Variants in SMIM33 observed in about 807,000 individuals in gnomAD.
SMIM33 encodes the protein small integral membrane protein 33.
At position 139,471,636 on chromosome 5, in the gene SMIM33, C is replaced by T. The variant is rs769574453; in HGVS notation, c.9+506C>T. ...AGCAGGGTGGAGTCAGACAGGGGTA[C>T]GGATCGTGACCCCCAGCTTTTGGTA... On this transcript the variant is annotated intron_variant, in intron 1 of 1. Transcript: ENST00000637503. Among the ~76,000 whole-genome samples, 7 of 152,206 alleles carry T rather than the reference C, an allele frequency of 4.6e-5. No homozygotes were observed. The East Asian group carries it at 5.8e-4, about 13-fold the overall frequency.
rs1390899872 is a variant in SMIM33, at chr5:139,473,464, C to T, written c.*543C>T. ...GTCCTTCGGCTGTTAGGGCCCAGACCTTGTTGACAAGCTCCGAAGTCCTTG... is the reference window on the plus strand; with the variant it reads ...GTCCTTCGGCTGTTAGGGCCCAGACTTTGTTGACAAGCTCCGAAGTCCTTG... On this transcript the variant is annotated 3_prime_UTR_variant, in exon 2 of 2. Coordinates refer to ENST00000637503, the MANE Select transcript of SMIM33 (RefSeq NM_001365197.1). 1 of 152,300 alleles carries T rather than the reference C, an allele frequency of 6.6e-6. No individual in the cohort carries two copies. The highest frequency in any genetic ancestry group is 2.4e-5 in the African/African-American group (1 of 41,442). The allele number at this position is 152,300 out of a possible 1,614,324, so 9.4% of individuals were successfully genotyped here.
rs1266144039 is a variant in SMIM33 at position 139,472,642 on chromosome 5, C to T, written c.120C>T (p.Asp40=). 7.5e-6 allele frequency: 3 copies of T among 400,742 alleles called. No individual in the cohort carries two copies. The highest frequency in any genetic ancestry group is 3.6e-5 in the East Asian group (1 of 28,084). The allele number at this position is 400,742 out of a possible 1,614,324, so 24.8% of individuals were successfully genotyped here. A position where few individuals can be genotyped will look rare whatever the true frequency, so the allele number is the denominator to read the frequency against. Residue 40 remains aspartate, a synonymous_variant, in exon 2 of 2, where the codon GAC becomes GAT. Transcript: ENST00000637503. ...LSGTWEQPRV[D]GLPVVTVIVA... Reference sequence around the variant, plus strand: ...GCACCTGGGAACAACCTCGAGTTGACGGGCTGCCTGTGGTCACCGTCATTG... The same window carrying T: ...GCACCTGGGAACAACCTCGAGTTGATGGGCTGCCTGTGGTCACCGTCATTG...
intron 1 of SMIM33, among the ~76,000 whole-genome samples, chr5:139,472,058 A>G (rs2152092269): frequency 6.6e-6 from 1 of 152,252 alleles, no homozygotes; most frequent in South Asian, 2.1e-4. Flanking sequence ...CACAGGATCT[A>G]TTTAGGAATT....
chr5:139,472,078 AC>A (rs1751543952), intron 1 of SMIM33, among the ~76,000 whole-genome samples: 1 of 152,092 alleles, frequency 6.6e-6, no homozygotes, highest in Non-Finnish European at 1.5e-5. Flanking sequence ...TTTGCTGGAG[AC>A]CTGGGAAAAG....
Position 139,472,553 on chromosome 5 carries a change from T to G in SMIM33, c.31T>G (p.Ser11Ala), listed in dbSNP as rs1751553016. The G allele has an allele frequency of 2.5e-6, 1 of 400,964 alleles. No individual in the cohort carries two copies. The highest frequency in any genetic ancestry group is 4.4e-5 in the Admixed American group (1 of 22,728). 24.8% of individuals were successfully genotyped at this position (400,964 alleles called of 1,614,324 possible). A position where few individuals can be genotyped will look rare whatever the true frequency, so the allele number is the denominator to read the frequency against. The change falls in exon 2 of 2, where the codon TCT becomes GCT. Residue 11 changes from serine (S) to alanine (A), a missense_variant. Transcript: ENST00000637503. ...CCAGGCTGGCCACTACTCCTGGCCT[T>G]CTCCAGCTGTGAACAGTTCATCAGA... is the stretch of plus-strand genomic sequence containing the variant. MHQAGHYSWP[S>A]PAVNSSSEQE...
chr5:139,471,619 G>A (rs1054716455), intron 1 of SMIM33, among the ~76,000 whole-genome samples: 1 of 152,142 alleles, frequency 6.6e-6, no homozygotes, highest in African/African-American at 2.4e-5. Context: ...CAAGCAGGGT[G>A]GAGTCAGACA....
At position 139,473,016 on chromosome 5, in the gene SMIM33, C is replaced by T. The variant is rs1471237428; in HGVS notation, c.*95C>T. Reference sequence around the variant, plus strand: ...GCAAATTGGAGCCTGGGCATCAGAGCGTCGGAAGGGCACACTGGACTCAGC... The same window carrying T: ...GCAAATTGGAGCCTGGGCATCAGAGTGTCGGAAGGGCACACTGGACTCAGC... On this transcript the variant is annotated 3_prime_UTR_variant, in exon 2 of 2. Transcript: ENST00000637503. 4 of 397,832 alleles carry T rather than the reference C, an allele frequency of 1.0e-5. No individual in the cohort carries two copies. The highest frequency in any genetic ancestry group is 4.4e-5 in the Admixed American group (1 of 22,704). 24.6% of individuals were successfully genotyped at this position (397,832 alleles called of 1,614,324 possible).
rs915734373 is a variant in SMIM33 at position 139,472,766 on chromosome 5, A to T, written c.244A>T (p.Thr82Ser). The T allele has an allele frequency of 2.5e-6, 1 of 400,658 alleles. No homozygotes were observed. The highest frequency in any genetic ancestry group is 4.4e-6 in the Non-Finnish European group (1 of 226,328). The allele number at this position is 400,658 out of a possible 1,614,324, so 24.8% of individuals were successfully genotyped here. Residue 82 changes from threonine to serine, a missense_variant, in exon 2 of 2, where the codon ACC becomes TCC. By Grantham distance (58) the Thr-to-Ser change is moderately conservative (BLOSUM62 1). Coordinates refer to ENST00000637503, the MANE Select transcript of SMIM33 (RefSeq NM_001365197.1). ...GHATLPTEPP[T>S]PKPDGGIYLI... ...TGCCACTCTCCCTACAGAGCCACCG[A>T]CCCCAAAGCCAGATGGTGGCATCTA... is the stretch of plus-strand genomic sequence containing the variant.
chr5:139,472,628 C>G lies in SMIM33; in HGVS notation c.106C>G (p.Gln36Glu), dbSNP rs148407887. 4.6e-4 allele frequency: 184 copies of G among 400,868 alleles called. No individual in the cohort carries two copies. The East Asian group carries it at 6.4e-3, about 14-fold the overall frequency. The allele number at this position is 400,868 out of a possible 1,614,324, so 24.8% of individuals were successfully genotyped here. ...GGAGGTGCTAAGTGGCACCTGGGAA[C>G]AACCTCGAGTTGACGGGCTGCCTGT... ...LPEVLSGTWE[Q>E]PRVDGLPVVT... Residue 36 changes from glutamine to glutamate, a missense_variant, in exon 2 of 2, where the codon CAA becomes GAA. By Grantham distance (29) the Gln-to-Glu change is conservative (BLOSUM62 2). Coordinates refer to ENST00000637503, the MANE Select transcript of SMIM33 (RefSeq NM_001365197.1).
Position 139,473,233 on chromosome 5 carries a change from A to C in SMIM33, c.*312A>C. 1 of 253,550 alleles carries C rather than the reference A, an allele frequency of 3.9e-6. No individual in the cohort carries two copies. Among genetic ancestry groups the C allele is most frequent in the Non-Finnish European group, 7.4e-6 (1 of 134,364 alleles). The allele number at this position is 253,550 out of a possible 1,614,324, so 15.7% of individuals were successfully genotyped here. On this transcript the variant is annotated 3_prime_UTR_variant, in exon 2 of 2. Coordinates refer to ENST00000637503, the MANE Select transcript of SMIM33 (RefSeq NM_001365197.1). The stretch of plus-strand genomic sequence containing the variant: ...TCCTTTTCTGAGTCTCTGCCCCTTC[A>C]TTGCACGCTTAATCTCCTTCCTTTG...
intron 1 of SMIM33, 87 bp from the exon 2 acceptor site, chr5:139,472,445 C>A: frequency 1.1e-4 from 33 of 309,260 alleles, no homozygotes; most frequent in East Asian, 1.9e-4. Flanking sequence ...GCCTCAGGTT[C>A]CTTTGGGTGT....
rs1751559795 is a variant in SMIM33 at position 139,472,917 on chromosome 5, T to C, written c.395T>C (p.Leu132Pro). 2 of 400,668 alleles carry C rather than the reference T, an allele frequency of 5.0e-6. No individual in the cohort carries two copies. The highest frequency in any genetic ancestry group is 8.8e-6 in the Non-Finnish European group (2 of 226,292). The allele number at this position is 400,668 out of a possible 1,614,324, so 24.8% of individuals were successfully genotyped here. A position where few individuals can be genotyped will look rare whatever the true frequency, so the allele number is the denominator to read the frequency against. Residue 132 changes from leucine (L) to proline (P), a missense_variant, in exon 2 of 2, where the codon CTG becomes CCG. Transcript: ENST00000637503. The part of the protein sequence containing the change: ...PRPSIDEVTC[L>P] ...CCCAGCATCGATGAAGTCACTTGTC[T>C]GTAGGAGGGAGACTTTGGAGAGTTA...
At chr5:139,471,748 C>T (rs1244353793) in intron 1 of SMIM33, among the ~76,000 whole-genome samples, 1 of 152,104 alleles carries the variant, frequency 6.6e-6, no homozygotes, top group East Asian at 1.9e-4. Flanking sequence ...ACACTGGGCA[C>T]CCCCTCTCCT....
intron 1 of SMIM33, among the ~76,000 whole-genome samples, chr5:139,471,966 C>G (rs569047464): frequency 1.3e-5 from 2 of 152,196 alleles, no homozygotes; most frequent in Non-Finnish European, 1.5e-5. Flanking sequence ...TTCCCCAGGA[C>G]TTTAAGAAGC....
Position 139,472,897 on chromosome 5 carries a change from C to A in SMIM33, c.375C>A (p.Ser125Arg). 3 of 400,880 alleles carry A rather than the reference C, an allele frequency of 7.5e-6. No homozygotes were observed. The highest frequency in any genetic ancestry group is 1.3e-5 in the Non-Finnish European group (3 of 226,320). 24.8% of individuals were successfully genotyped at this position (400,880 alleles called of 1,614,324 possible). ...CTGCGCCAGATGGACCCAGGCCCAG[C>A]ATCGATGAAGTCACTTGTCTGTAGG... ...SCPAPDGPRP[S>R]IDEVTCL The change falls in exon 2 of 2, where the codon AGC becomes AGA. Residue 125 changes from serine to arginine, a missense_variant. By Grantham distance (110) the Ser-to-Arg change is moderately radical. Transcript: ENST00000637503.
In SMIM33 at chr5:139,473,017, G is replaced by A. The variant is rs559010253; in HGVS notation, c.*96G>A. 302 of 398,038 alleles carry A rather than the reference G, an allele frequency of 7.6e-4. No homozygotes were observed. The highest frequency in any genetic ancestry group is 5.8e-3 in the African/African-American group (282 of 48,762). 24.7% of individuals were successfully genotyped at this position (398,038 alleles called of 1,614,324 possible). Reference sequence around the variant, plus strand: ...CAAATTGGAGCCTGGGCATCAGAGCGTCGGAAGGGCACACTGGACTCAGCT... The same window carrying A: ...CAAATTGGAGCCTGGGCATCAGAGCATCGGAAGGGCACACTGGACTCAGCT... On this transcript the variant is annotated 3_prime_UTR_variant, in exon 2 of 2. Transcript: ENST00000637503.
At chr5:139,472,460 CTCTT>C (rs1751551309) in intron 1 of SMIM33, 68 bp from the exon 2 acceptor site, 4 of 243,806 alleles carry the variant, frequency 1.6e-5, no homozygotes, top group Middle Eastern at 4.2e-4. Context: ...GGGTGTTTGT[CTCTT>C]TCTATTTTGG....
chr5:139,471,530 CTG>C (rs1211753458), intron 1 of SMIM33, among the ~76,000 whole-genome samples: 1 of 152,124 alleles, frequency 6.6e-6, no homozygotes, highest in Non-Finnish European at 1.5e-5. Context: ...TTTCTTGGGC[CTG>C]TGAGGACCTC....
intron 1 of SMIM33, among the ~76,000 whole-genome samples, chr5:139,471,828 C>T (rs1326138597): frequency 1.3e-5 from 2 of 152,090 alleles, no homozygotes; most frequent in African/African-American, 4.8e-5. Flanking sequence ...AAGAGGCATC[C>T]CCCTGCCTTC....
Sources: allele counts gnomAD v4.1 joint callset (sites outside exome capture counted in the v4.1 genomes callset), GRCh38; gene constraint gnomAD v4.1.1; transcripts MANE v1.5; gene names NCBI Gene and HGNC (gene_info 2026-07-23, HGNC 2026-07-21).